The following NLRP13 variants were observed in gnomAD, a reference collection of about 807,000 sequenced individuals.
NLRP13 encodes the protein NACHT, LRR and PYD domains-containing protein 13.
Under a neutral mutation model 94.4 loss-of-function variants are expected in NLRP13, and 82 were observed. The ratio of observed to expected loss-of-function variants is 0.87; its 90% CI spans 0.73 to 1.04. The LOEUF is 1.04. Ranked by LOEUF, NLRP13 falls within the 50% of genes least tolerant of loss-of-function variation. The pLI, the probability that NLRP13 is intolerant of heterozygous loss-of-function variation, is 0.00. For synonymous variants in NLRP13, 553 were observed against 464.7 expected (o/e 1.19, Z -2.45); for missense variants, 1,426 against 1,230.8 (o/e 1.16, Z -2.37).
At chr19:55,922,080 G>A (rs755858077) in intron 4 of NLRP13, among the ~76,000 whole-genome samples, 64 of 152,146 alleles carry the variant, frequency 4.2e-4, no homozygotes, top group Non-Finnish European at 6.8e-4. Context: ...AGTGGGAGGT[G>A]AGGGGGCATG....
chr19:55,899,284 C>T (rs567228622), intron 9 of NLRP13, among the ~76,000 whole-genome samples: 16 of 152,286 alleles, frequency 1.1e-4, no homozygotes, highest in African/African-American at 3.9e-4. Flanking sequence ...GACAGTTGAG[C>T]TGAAGATACC....
At chr19:55,922,325 T>G (rs966240233) in intron 4 of NLRP13, among the ~76,000 whole-genome samples, 5 of 151,958 alleles carry the variant, frequency 3.3e-5, no homozygotes, top group Non-Finnish European at 7.4e-5. Flanking sequence ...TTGTTTTTTG[T>G]TTTTTTGTTT....
Position 55,918,321 on chromosome 19 carries a change from A to G in NLRP13, c.524-5028T>C, listed in dbSNP as rs560385724. ...AAAAAAAATCACAAATTAACAACCT[A>G]ACAATGCAACTCAAGGAAAAAGAAT... On this transcript the variant is annotated intron_variant, in intron 4 of 10. Transcript: ENST00000342929. Among the ~76,000 whole-genome samples, 26 of 152,070 alleles carry G rather than the reference A, an allele frequency of 1.7e-4. No homozygotes were observed. The South Asian group carries it at 5.4e-3, about 31-fold the overall frequency.
rs10530056 is a variant in NLRP13, at chr19:55,913,548, C to CAAAAAAAA, written c.524-263_524-256dup. On this transcript the variant is annotated intron_variant, in intron 4 of 10. Coordinates refer to ENST00000342929, the MANE Select transcript of NLRP13 (RefSeq NM_176810.2). ...TGGGTGACAGAGTGAGACTCCGTCT[C>CAAAAAAAA]AAAAAAAAAAAAAAAAAAAAAAAGT... 5.4e-4 allele frequency among the ~76,000 whole-genome samples: 28 copies of CAAAAAAAA among 52,060 alleles called. 1 individual carries two copies. Among genetic ancestry groups the CAAAAAAAA allele is most frequent in the African/African-American group, 8.9e-4 (13 of 14,626 alleles). 34.2% of individuals were successfully genotyped at this position (52,060 alleles called of 152,430 possible). A position where few individuals can be genotyped will look rare whatever the true frequency, so the allele number is the denominator to read the frequency against.
At chr19:55,915,556 C>T (rs1026133778) in intron 4 of NLRP13, among the ~76,000 whole-genome samples, 1 of 152,156 alleles carries the variant, frequency 6.6e-6, no homozygotes, top group Non-Finnish European at 1.5e-5. Context: ...CAAGATCGCA[C>T]CACTGTACTC....
rs1479689465 is a variant in NLRP13 at position 55,912,613 on chromosome 19, A to G, written c.1204T>C (p.Ser402Pro). 6.2e-7 allele frequency: 1 copy of G among 1,614,174 alleles called. No homozygotes were observed. Among genetic ancestry groups the G allele is most frequent in the Non-Finnish European group, 8.5e-7 (1 of 1,180,020 alleles). ...TGCAGGATTTTCTCAACTTCACTTG[A>G]GTCATCAAAGTGTCTCATGAAATAT... ...RVYFMRHFDD[S>P]SEVEKILQQL... The change falls in exon 5 of 11, where the codon TCA becomes CCA. Residue 402 changes from serine to proline, a missense_variant. Transcript: ENST00000342929.
At chr19:55,898,423 T>A (rs1242500685) in intron 10 of NLRP13, among the ~76,000 whole-genome samples, 1 of 152,154 alleles carries the variant, frequency 6.6e-6, no homozygotes, top group Admixed American at 6.5e-5. Context: ...TTGGCCAGGC[T>A]TGTCTTGAGC....
rs796609665 is a variant in NLRP13 at position 55,906,762 on chromosome 19, CT to C, written c.2447+1029del. ...GTGATCTGTGTTTACAGACCCCCCC[CT>C]GCTCCATGAATGAAAGCTGACTTTC... On this transcript the variant is annotated intron_variant, in intron 7 of 10. Transcript: ENST00000342929. Among the ~76,000 whole-genome samples the C allele has an allele frequency of 8.4e-4, 122 of 144,404 alleles. 1 individual carries two copies. The highest frequency in any genetic ancestry group is 7.8e-3 in the South Asian group (35 of 4,492). 94.7% of individuals were successfully genotyped at this position (144,404 alleles called of 152,430 possible). A position where few individuals can be genotyped will look rare whatever the true frequency, so the allele number is the denominator to read the frequency against.
intron 8 of NLRP13, among the ~76,000 whole-genome samples, chr19:55,902,643 A>G (rs940001474): frequency 2.6e-5 from 4 of 152,164 alleles, no homozygotes; most frequent in East Asian, 1.9e-4. Flanking sequence ...GCCCACGAGC[A>G]GTGCATGTGC....
At chr19:55,914,964 G>C (rs1202001651) in intron 4 of NLRP13, among the ~76,000 whole-genome samples, 1 of 152,160 alleles carries the variant, frequency 6.6e-6, no homozygotes, top group Non-Finnish European at 1.5e-5. Flanking sequence ...AATGCCAGAT[G>C]ATTTCACTTA....
At chr19:55,893,778 A>C (rs972918797), downstream of NLRP13, among the ~76,000 whole-genome samples, 1 of 152,182 alleles carries the variant, frequency 6.6e-6, no homozygotes, top group African/African-American at 2.4e-5. Flanking sequence ...CTACAAGAGG[A>C]GGCGAGGGTC....
intron 3 of NLRP13, 127 bp downstream of exon 3, chr19:55,924,463 G>A: frequency 2.9e-6 from 2 of 687,904 alleles, no homozygotes; most frequent in Admixed American, 5.1e-5. Flanking sequence ...AGAACTAGAT[G>A]GAAAGAGTTT....
rs760055694 is a variant in NLRP13, at chr19:55,910,678, C to T, written c.2167G>A (p.Val723Ile). 6.2e-7 allele frequency: 1 copy of T among 1,613,828 alleles called. No homozygotes were observed. The highest frequency in any genetic ancestry group is 1.1e-5 in the South Asian group (1 of 91,054). ...HAWNSICSTL[V>I]TNENLHELDL... ...AGCTCATGCAGATTCTCATTTGTGA[C>T]CAACGTAGAGCAAATGCTGTTCCAT... Residue 723 changes from valine (V) to isoleucine (I), a missense_variant, in exon 6 of 11, where the codon GTC (valine) becomes ATC (isoleucine). Physicochemically the swap from Val to Ile is conservative, Grantham distance 29 (BLOSUM62 3). Coordinates refer to ENST00000342929, the MANE Select transcript of NLRP13 (RefSeq NM_176810.2).
intron 4 of NLRP13, among the ~76,000 whole-genome samples, chr19:55,915,471 G>A (rs555497097): frequency 3.9e-5 from 6 of 152,120 alleles, no homozygotes; most frequent in Non-Finnish European, 5.9e-5. Context: ...GGTGGCACGC[G>A]CCTGTAATCC....
At chr19:55,930,120 A>T (rs1434992129) in intron 1 of NLRP13, among the ~76,000 whole-genome samples, 1 of 152,090 alleles carries the variant, frequency 6.6e-6, no homozygotes, top group Non-Finnish European at 1.5e-5. Flanking sequence ...CAGGGTTCTG[A>T]TATGGAAGAC....
chr19:55,898,974 T>G (rs302828), intron 9 of NLRP13, 37 bp from the exon 10 acceptor site: 1,370,516 of 1,593,956 alleles, frequency 0.86, 590,381 homozygotes, highest in East Asian at 0.97. Flanking sequence ...GGGAAAGTAA[T>G]TGCGTCCCGA....
intron 4 of NLRP13, among the ~76,000 whole-genome samples, chr19:55,921,879 A>G (rs1453675034): frequency 6.6e-6 from 1 of 152,218 alleles, no homozygotes; most frequent in Non-Finnish European, 1.5e-5. Flanking sequence ...TCTTCCCCAG[A>G]GCCTTTCTAC....
At chr19:55,892,087 CCT>C, downstream of NLRP13, 1 of 1,231,660 alleles carries the variant, frequency 8.1e-7, no homozygotes, top group Non-Finnish European at 1.0e-6. Flanking sequence ...GTCTGTATCT[CCT>C]CTCTCACTAC....
chr19:55,925,361 GACT>G (rs1986942824), intron 1 of NLRP13, among the ~76,000 whole-genome samples: 2 of 152,274 alleles, frequency 1.3e-5, no homozygotes, highest in South Asian at 4.1e-4. Flanking sequence ...TCCTAATCAT[GACT>G]ACCACCTATA....
Sources: gnomAD v4.1 joint callset for allele counts (sites outside exome capture counted in the v4.1 genomes callset) on GRCh38, gnomAD v4.1.1 for gene constraint, MANE v1.5 for transcripts, NCBI Gene and HGNC (gene_info 2026-07-23, HGNC 2026-07-21) for gene names.